Variants in CERS4 observed in about 807,000 individuals in gnomAD.
CERS4 encodes LAG1 homolog, ceramide synthase 4.
CERS4 carries 65 observed loss-of-function variants against 51.8 expected under a neutral mutation model. The observed-to-expected ratio is 1.26, with a 90% CI of 1.03 to 1.54. CERS4 has a LOEUF of 1.54. Among genes scored for constraint, CERS4 ranks in the 40% most tolerant of loss-of-function variants. The pLI, the probability that CERS4 is intolerant of heterozygous loss-of-function variation, is 0.00. For synonymous variants in CERS4, 228 were observed against 208.4 expected, an observed-to-expected ratio of 1.09 and a Z score of -0.81; for missense variants, 563 against 500.4, an observed-to-expected ratio of 1.13 and a Z score of -1.19.
intron 2 of CERS4, among the ~76,000 whole-genome samples, chr19:8,228,853 G>T (rs1009905042): frequency 6.6e-6 from 1 of 150,626 alleles, no homozygotes; most frequent in Non-Finnish European, 1.5e-5. Context: ...GTGAAACCTT[G>T]TCTCTCCTAA....
intron 2 of CERS4, among the ~76,000 whole-genome samples, chr19:8,248,753 TTGGA>T (rs540923046): frequency 2.0e-4 from 29 of 147,034 alleles, no homozygotes; most frequent in South Asian, 6.5e-4. Flanking sequence ...GGACAGGTGT[TTGGA>T]TGGATGGATG....
chr19:8,227,429 G>A (rs895732555), intron 2 of CERS4, among the ~76,000 whole-genome samples: 1 of 151,512 alleles, frequency 6.6e-6, no homozygotes, highest in Non-Finnish European at 1.5e-5. Context: ...CCTTGATCTT[G>A]GCTCAAGCAA....
chr19:8,245,445 C>T (rs918449663), intron 2 of CERS4, among the ~76,000 whole-genome samples: 17 of 151,072 alleles, frequency 1.1e-4, no homozygotes, highest in African/African-American at 2.4e-4. Context: ...GAGACAGTTT[C>T]GCTATGTTGT....
At chr19:8,231,873 T>TTTTTTTTA (rs61532670) in intron 2 of CERS4, among the ~76,000 whole-genome samples, 1 of 119,552 alleles carries the variant, frequency 8.4e-6, no homozygotes. Flanking sequence ...TTTTTTTTTT[T>TTTTTTTTA]AGAGACAGTC....
intron 4 of CERS4, among the ~76,000 whole-genome samples, chr19:8,255,178 G>T (rs186165352): frequency 6.6e-6 from 1 of 152,082 alleles, no homozygotes; most frequent in African/African-American, 2.4e-5. Flanking sequence ...CCCTAGAGGC[G>T]ACAGGGCAGC....
intron 2 of CERS4, among the ~76,000 whole-genome samples, chr19:8,224,073 T>C (rs1599523752): frequency 1.8e-5 from 2 of 110,670 alleles, no homozygotes; most frequent in South Asian, 5.9e-4. Flanking sequence ...CTGCACTCCA[T>C]CCAGCCTGGG....
At chr19:8,252,352 A>G (rs12974684) in intron 3 of CERS4, among the ~76,000 whole-genome samples, 102,390 of 148,204 alleles carry the variant, frequency 0.69, 35,165 homozygotes, top group Non-Finnish European at 0.74. Flanking sequence ...CCTGGGCAAC[A>G]AGAGCAAAAC....
chr19:8,233,291 G>A (rs1267147562), intron 2 of CERS4, among the ~76,000 whole-genome samples: 2 of 151,620 alleles, frequency 1.3e-5, no homozygotes, highest in Non-Finnish European at 2.9e-5. Flanking sequence ...TCAGCCTCCC[G>A]AGTAGCTGGG....
At chr19:8,254,067 A>G (rs1969233890) in intron 3 of CERS4, among the ~76,000 whole-genome samples, 1 of 151,988 alleles carries the variant, frequency 6.6e-6, no homozygotes, top group Non-Finnish European at 1.5e-5. Flanking sequence ...CACCGCTGGT[A>G]ATCCCAGCCC....
chr19:8,256,016 T>C, intron 6 of CERS4, 137 bp downstream of exon 6: 1 of 1,035,262 alleles, frequency 9.7e-7, no homozygotes, highest in Non-Finnish European at 1.4e-6. Flanking sequence ...TGCAAGATGG[T>C]GGTGAATGTT....
intron 3 of CERS4, among the ~76,000 whole-genome samples, chr19:8,253,161 G>T (rs1969176652): frequency 1.3e-5 from 2 of 152,246 alleles, no homozygotes; most frequent in African/African-American, 4.8e-5. Context: ...CCCACCTGTG[G>T]TGTTGGCGCG....
intron 3 of CERS4, among the ~76,000 whole-genome samples, chr19:8,251,722 T>A (rs1006804321): frequency 6.6e-6 from 1 of 151,596 alleles, no homozygotes; most frequent in African/African-American, 2.4e-5. Context: ...GAGAATCGCC[T>A]GAACCTGGGA....
chr19:8,235,433 T>G (rs1317496496), intron 2 of CERS4, among the ~76,000 whole-genome samples: 1 of 151,336 alleles, frequency 6.6e-6, no homozygotes, highest in African/African-American at 2.4e-5. Context: ...TTTTTCCCCA[T>G]TTGCTGTTTT....
intron 2 of CERS4, among the ~76,000 whole-genome samples, chr19:8,223,329 G>A (rs576948612): frequency 1.3e-5 from 2 of 150,504 alleles, no homozygotes; most frequent in South Asian, 2.1e-4. Flanking sequence ...TTTTTTAATT[G>A]GCCGGGCCGG....
chr19:8,261,586 G>A (rs2145348809), intron 10 of CERS4, 102 bp from the exon 11 acceptor site: 1 of 1,355,482 alleles, frequency 7.4e-7, no homozygotes, highest in African/African-American at 1.4e-5. Flanking sequence ...GGAGCCATAG[G>A]TGGTTATGGA....
chr19:8,224,814 T>G (rs1330554979), intron 2 of CERS4, among the ~76,000 whole-genome samples: 1 of 152,030 alleles, frequency 6.6e-6, no homozygotes, highest in Non-Finnish European at 1.5e-5. Context: ...ATCGTAGGGC[T>G]TAATGAGGAG....
chr19:8,237,523 C>G (rs1487495485), intron 2 of CERS4, among the ~76,000 whole-genome samples: 1 of 151,820 alleles, frequency 6.6e-6, no homozygotes, highest in Admixed American at 6.6e-5. Flanking sequence ...CCACTGCACT[C>G]CAGCCTGGGC....
intron 4 of CERS4, among the ~76,000 whole-genome samples, chr19:8,254,997 C>T (rs1379488040): frequency 6.6e-6 from 1 of 152,142 alleles, no homozygotes; most frequent in Admixed American, 6.5e-5. Context: ...GCTTGCTCTC[C>T]TATCCTGGGG....
In CERS4 at chr19:8,261,980, G is replaced by A. The variant is rs759746399; in HGVS notation, c.1056G>A (p.Glu352=). The A allele has an allele frequency of 3.1e-6, 5 of 1,599,988 alleles. No homozygotes were observed. The highest frequency in any genetic ancestry group is 1.3e-5 in the African/African-American group (1 of 74,194). ...TAGAAGAATCAGACTCCAGTGAGGA[G>A]GCGGCGGCGGCCCAGGAACCTCTGC... ...SDVEESDSSE[E]AAAAQEPLQL... The change falls in exon 12 of 12, where the codon GAG becomes GAA. Residue 352 remains glutamate, a synonymous_variant. Coordinates refer to ENST00000251363, the MANE Select transcript of CERS4 (RefSeq NM_024552.3).
Sources: gnomAD v4.1 joint callset for allele counts (sites outside exome capture counted in the v4.1 genomes callset) on GRCh38, gnomAD v4.1.1 for gene constraint, MANE v1.5 for transcripts, NCBI Gene and HGNC (gene_info 2026-07-23, HGNC 2026-07-21) for gene names.